Variants in TPO observed in about 807,000 individuals in gnomAD.
TPO encodes the protein thyroid peroxidase, also known as thyroid microsomal antigen.
A neutral mutation model predicts 96.9 loss-of-function variants in TPO; 78 were observed. That is an observed-to-expected ratio of 0.81 (90% CI 0.67 to 0.97). The LOEUF is 0.97. Among genes scored for constraint, TPO ranks in the 50% least tolerant of loss-of-function variants. The pLI is 0.00. For synonymous variants in TPO, 547 were observed against 538.0 expected, an observed-to-expected ratio of 1.02 and a Z score of -0.23; for missense variants, 1,252 against 1,274.8, an observed-to-expected ratio of 0.98 and a Z score of 0.27.
chr2:1,431,768 A>G (rs972812369), intron 3 of TPO, among the ~76,000 whole-genome samples: 7 of 152,248 alleles, frequency 4.6e-5, no homozygotes, highest in Non-Finnish European at 1.0e-4. Context: ...TTTTGGGGTT[A>G]TTATTAATAA....
intron 7 of TPO, among the ~76,000 whole-genome samples, chr2:1,459,875 G>T (rs976526000): frequency 6.6e-6 from 1 of 152,066 alleles, no homozygotes; most frequent in Non-Finnish European, 1.5e-5. Context: ...TCTCTGCAGA[G>T]CCCCCTCACC....
chr2:1,383,950 C>G (rs1170173351), intron 1 of TPO, among the ~76,000 whole-genome samples: 1 of 152,174 alleles, frequency 6.6e-6, no homozygotes, highest in Non-Finnish European at 1.5e-5. Context: ...AGCCAGTTTT[C>G]CCAGCACCGT....
chr2:1,486,123 T>C (rs2124836201), intron 9 of TPO, among the ~76,000 whole-genome samples: 1 of 152,344 alleles, frequency 6.6e-6, no homozygotes, highest in South Asian at 2.1e-4. Context: ...TTCTTTCTTA[T>C]GACTCATCGC....
At chr2:1,394,951 GGCTTCC>G (rs1384835836) in intron 1 of TPO, among the ~76,000 whole-genome samples, 1 of 152,002 alleles carries the variant, frequency 6.6e-6, no homozygotes, top group Non-Finnish European at 1.5e-5. Flanking sequence ...CTGACCCTGA[GGCTTCC>G]GCTTCCCTGC....
Position 1,434,449 on chromosome 2 carries a change from A to G in TPO, c.349+842A>G, listed in dbSNP as rs567945854. ...TAAACTTAACAGTGAAGTTTAATTA[A>G]TTTCATAGCAAGCTAAGATTCACCA... On this transcript the variant is annotated intron_variant, in intron 4 of 16. Transcript: ENST00000329066. Among the ~76,000 whole-genome samples the G allele has an allele frequency of 9.9e-5, 15 of 152,280 alleles. 1 individual carries two copies. The highest frequency in any genetic ancestry group is 3.6e-4 in the African/African-American group (15 of 41,554).
At chr2:1,478,040 T>C in intron 8 of TPO, 5 of 985,320 alleles carry the variant, frequency 5.1e-6, no homozygotes, top group Non-Finnish European at 6.0e-6. Context: ...CCCTTGGAGG[T>C]GGGTGGACCA....
intron 9 of TPO, among the ~76,000 whole-genome samples, chr2:1,486,218 G>T (rs2124837332): frequency 6.6e-6 from 1 of 152,228 alleles, no homozygotes; most frequent in Non-Finnish European, 1.5e-5. Context: ...TGTGTTTAAA[G>T]CATTTTAAAA....
intron 1 of TPO, among the ~76,000 whole-genome samples, chr2:1,380,893 G>A (rs375237654): frequency 1.3e-5 from 2 of 152,146 alleles, no homozygotes; most frequent in Admixed American, 6.6e-5. Flanking sequence ...TCCAATCCTG[G>A]GGGAAGGCAG....
intron 3 of TPO, among the ~76,000 whole-genome samples, chr2:1,427,091 G>T (rs893189639): frequency 6.6e-6 from 1 of 152,216 alleles, no homozygotes; most frequent in Non-Finnish European, 1.5e-5. Context: ...TCCCAAGGTA[G>T]ATGGGGCCAG....
intron 2 of TPO, among the ~76,000 whole-genome samples, chr2:1,416,937 C>T (rs150716410): frequency 2.6e-4 from 39 of 152,340 alleles, no homozygotes; most frequent in East Asian, 9.7e-4. Context: ...GGACCACACA[C>T]GGTCACCGTA....
Position 1,516,979 on chromosome 2 carries a change from G to T in TPO, c.2615G>T (p.Arg872Met). 3.1e-6 allele frequency: 5 copies of T among 1,613,866 alleles called. No homozygotes were observed. Among genetic ancestry groups the T allele is most frequent in the Non-Finnish European group, 4.2e-6 (5 of 1,180,026 alleles). ...FAGLTSTVIC[R>M]WTRTGTKSTL... ...GGTCTCACCTCGACGGTGATTTGCAGGTGGTAAGTCCTTCACTTTTTGACT... is the reference window on the plus strand; with the variant it reads ...GGTCTCACCTCGACGGTGATTTGCATGTGGTAAGTCCTTCACTTTTTGACT... Residue 872 changes from arginine to methionine, a missense_variant, in exon 15 of 17, where the codon AGG (arginine) becomes ATG (methionine). By Grantham distance (91) the Arg-to-Met change is moderately conservative. Coordinates refer to ENST00000329066, the MANE Select transcript of TPO (RefSeq NM_001206744.2).
At chr2:1,451,911 T>G (rs1380963401) in intron 5 of TPO, among the ~76,000 whole-genome samples, 2 of 152,220 alleles carry the variant, frequency 1.3e-5, no homozygotes, top group East Asian at 3.8e-4. Context: ...AAATGTAGAA[T>G]ATTTTATACT....
intron 1 of TPO, among the ~76,000 whole-genome samples, chr2:1,375,075 A>T (rs1425498931): frequency 6.6e-6 from 1 of 151,852 alleles, no homozygotes; most frequent in Non-Finnish European, 1.5e-5. Flanking sequence ...AAAACTGAAA[A>T]TGTTGATTAA....
rs80225147 is a variant in TPO at position 1,509,191 on chromosome 2, C to T, written c.2518+5112C>T. ...GTTGTTCAGTTTCCATGTAGTTGAG[C>T]GGTTTTGAGTGAGTTTCTGAATCCT... On this transcript the variant is annotated intron_variant, in intron 14 of 16. Coordinates refer to ENST00000329066, the MANE Select transcript of TPO (RefSeq NM_001206744.2). Among the ~76,000 whole-genome samples, 368 of 152,220 alleles carry T rather than the reference C, an allele frequency of 2.4e-3. 1 individual carries two copies. The highest frequency in any genetic ancestry group is 4.0e-3 in the Non-Finnish European group (269 of 68,012).
intron 1 of TPO, among the ~76,000 whole-genome samples, chr2:1,375,676 C>T (rs543373253): frequency 6.6e-6 from 1 of 152,254 alleles, no homozygotes; most frequent in Admixed American, 6.5e-5. Context: ...GCTTAACCTT[C>T]CCTGTGGCAT....
At chr2:1,400,640 T>C (rs1401339393) in intron 1 of TPO, among the ~76,000 whole-genome samples, 1 of 114,614 alleles carries the variant, frequency 8.7e-6, no homozygotes, top group Non-Finnish European at 1.8e-5. Context: ...AAAAAACAAA[T>C]TTCACTTATG....
chr2:1,470,420 C>T lies in TPO; in HGVS notation c.820-6666C>T, dbSNP rs541349152. 1.1e-4 allele frequency among the ~76,000 whole-genome samples: 16 copies of T among 152,016 alleles called. 2 individuals carry two copies. The South Asian group carries it at 3.1e-3, about 30-fold the overall frequency. On this transcript the variant is annotated intron_variant, in intron 7 of 16. Coordinates refer to ENST00000329066, the MANE Select transcript of TPO (RefSeq NM_001206744.2). ...ATTGCTTGGCTTTTCATTTTGTTTA[C>T]GGTGCCATTATTCATAAATTTAGGT...
intron 3 of TPO, among the ~76,000 whole-genome samples, 196 bp from the exon 4 acceptor site, chr2:1,433,242 C>T (rs1465969114): frequency 6.6e-6 from 1 of 152,088 alleles, no homozygotes; most frequent in African/African-American, 2.4e-5. Context: ...TCACTTACAC[C>T]CTATTCCTGT....
chr2:1,464,345 G>A (rs1668708655), intron 7 of TPO, among the ~76,000 whole-genome samples: 2 of 152,158 alleles, frequency 1.3e-5, no homozygotes, highest in South Asian at 2.1e-4. Context: ...TGTGAATTGT[G>A]CGGCTATAAA....
Sources: allele counts gnomAD v4.1 joint callset (sites outside exome capture counted in the v4.1 genomes callset), GRCh38; gene constraint gnomAD v4.1.1; transcripts MANE v1.5; gene names NCBI Gene and HGNC (gene_info 2026-07-23, HGNC 2026-07-21).